The following GCLC variants were observed in gnomAD, a reference collection of about 807,000 sequenced individuals.
GCLC encodes glutamate--cysteine ligase catalytic subunit.
Under a neutral mutation model 81.5 loss-of-function variants are expected in GCLC, and 30 were observed. The observed-to-expected ratio is 0.37, with a 90% CI of 0.28 to 0.50. GCLC has a LOEUF of 0.50. GCLC is among the 20% of genes least tolerant of loss of function. The pLI is 0.96. For missense variants in GCLC, 556 were observed against 777.4 expected, an observed-to-expected ratio of 0.72 and a Z score of 3.39; for synonymous variants, 262 against 273.3, an observed-to-expected ratio of 0.96 and a Z score of 0.41.
chr6:53,520,750 G>C, intron 3 of GCLC, 28 bp downstream of exon 3: 3 of 1,587,068 alleles, frequency 1.9e-6, no homozygotes, highest in Non-Finnish European at 2.6e-6. Flanking sequence ...TGAGAGATCT[G>C]CTGGGGCATG....
chr6:53,532,277 GCTCC>G (rs1462645415), intron 1 of GCLC, among the ~76,000 whole-genome samples: 1 of 152,230 alleles, frequency 6.6e-6, no homozygotes, highest in African/African-American at 2.4e-5. Flanking sequence ...GCTTTGGGCA[GCTCC>G]TCTCTCGACT....
chr6:53,503,569 T>G (rs920742747), intron 12 of GCLC, among the ~76,000 whole-genome samples: 2 of 152,236 alleles, frequency 1.3e-5, no homozygotes, highest in Non-Finnish European at 2.9e-5. Context: ...TAGCATTTAA[T>G]GTTGCAAATG....
At chr6:53,505,190 G>T in intron 12 of GCLC, 1 of 544,244 alleles carries the variant, frequency 1.8e-6, no homozygotes. Flanking sequence ...ACTACTTCTA[G>T]CCATCAATCA....
chr6:53,525,366 C>T (rs1763062894), intron 1 of GCLC, among the ~76,000 whole-genome samples: 1 of 152,146 alleles, frequency 6.6e-6, no homozygotes. Context: ...TGGGGTTTGA[C>T]GCAATAACCG....
At chr6:53,501,571 A>AG (rs17879052) in intron 12 of GCLC, among the ~76,000 whole-genome samples, 2,032 of 152,292 alleles carry the variant, frequency 0.013, 41 homozygotes, top group African/African-American at 0.044. Context: ...GACCAGTTAG[A>AG]GGGCCAGGCT....
At chr6:53,530,534 T>A (rs1763154595) in intron 1 of GCLC, among the ~76,000 whole-genome samples, 2 of 152,218 alleles carry the variant, frequency 1.3e-5, no homozygotes, top group African/African-American at 4.8e-5. Flanking sequence ...ACAGGCTGCA[T>A]AACTATCAAA....
intron 6 of GCLC, chr6:53,509,816 T>C (rs1764699600): frequency 6.2e-6 from 1 of 161,786 alleles, no homozygotes; most frequent in Admixed American, 6.0e-5. Flanking sequence ...GACTGGCTAA[T>C]TTTGTTTTTG....
intron 1 of GCLC, among the ~76,000 whole-genome samples, chr6:53,526,402 A>C (rs1763081174): frequency 6.6e-6 from 1 of 152,242 alleles, no homozygotes; most frequent in Non-Finnish European, 1.5e-5. Context: ...TTAAGTCTTT[A>C]AATGGCATTT....
chr6:53,510,490 G>C (rs774993391), intron 6 of GCLC: 6 of 151,776 alleles, frequency 4.0e-5, no homozygotes, highest in Non-Finnish European at 8.8e-5. Context: ...ACGGTAGAAG[G>C]GGCAAGGAAC....
chr6:53,514,242 C>T lies in GCLC; in HGVS notation c.715G>A (p.Asp239Asn). 6.2e-7 allele frequency: 1 copy of T among 1,613,854 alleles called. No homozygotes were observed. Among genetic ancestry groups the T allele is most frequent in the Non-Finnish European group, 8.5e-7 (1 of 1,179,742 alleles). Residue 239 changes from aspartate to asparagine, a missense_variant, in exon 6 of 16, where the codon GAT becomes AAT. Asp to Asn is a conservative substitution (Grantham distance 23). Transcript: ENST00000650454. ...TTGCCCATTCCAAATCCCATGGCATCCATGTAAATATGATCCGGCTTAGAA... is the reference window on the plus strand; with the variant it reads ...TTGCCCATTCCAAATCCCATGGCATTCATGTAAATATGATCCGGCTTAGAA... ...RASKPDHIYM[D>N]AMGFGMGNCC...
At chr6:53,504,635 C>T (rs543942121) in intron 12 of GCLC, among the ~76,000 whole-genome samples, 2 of 152,228 alleles carry the variant, frequency 1.3e-5, no homozygotes, top group East Asian at 3.9e-4. Flanking sequence ...GCCAGATTTC[C>T]TTCAGGGGGT....
intron 2 of GCLC, among the ~76,000 whole-genome samples, chr6:53,522,158 T>A (rs1763010645): frequency 3.3e-5 from 5 of 152,232 alleles, no homozygotes; most frequent in Admixed American, 3.3e-4. Flanking sequence ...ATGTATTTAA[T>A]TCCAACACCT....
intron 3 of GCLC, 36 bp from the exon 4 acceptor site, chr6:53,516,258 G>T: frequency 1.5e-6 from 2 of 1,313,902 alleles, no homozygotes; most frequent in Non-Finnish European, 2.2e-6. Flanking sequence ...GATGGGATTT[G>T]TTTTCAAGAA....
At chr6:53,530,166 G>A (rs1763148037) in intron 1 of GCLC, among the ~76,000 whole-genome samples, 1 of 152,228 alleles carries the variant, frequency 6.6e-6, no homozygotes, top group African/African-American at 2.4e-5. Flanking sequence ...GTGACTGCTA[G>A]TGCTCACTGG....
At chr6:53,539,506 T>C (rs1763315938) in intron 1 of GCLC, among the ~76,000 whole-genome samples, 1 of 152,200 alleles carries the variant, frequency 6.6e-6, no homozygotes, top group African/African-American at 2.4e-5. Context: ...AGGTTCTTTC[T>C]GGTGTGAAGA....
intron 12 of GCLC, 187 bp downstream of exon 12, chr6:53,505,205 G>C (rs1299307754): frequency 5.3e-6 from 3 of 567,454 alleles, no homozygotes; most frequent in Non-Finnish European, 9.4e-6. Context: ...CAATCATCTT[G>C]AATGGAAAGC....
At chr6:53,519,379 A>C in intron 3 of GCLC, among the ~76,000 whole-genome samples, 2 of 150,150 alleles carry the variant, frequency 1.3e-5, no homozygotes, top group African/African-American at 2.5e-5. Context: ...TCCGCTCCTC[A>C]TTCCTATTTC....
rs1581725062 is a variant in GCLC, at chr6:53,498,657, G to A, written c.*99C>T. The A allele has an allele frequency of 1.2e-6, 1 of 827,588 alleles. No homozygotes were observed. The highest frequency in any genetic ancestry group is 2.1e-6 in the Non-Finnish European group (1 of 471,170). 51.3% of individuals were successfully genotyped at this position (827,588 alleles called of 1,614,324 possible). On this transcript the variant is annotated 3_prime_UTR_variant, in exon 16 of 16. Transcript: ENST00000650454. ...GCTCACTGGCCCAGAAAACAGTACAGTTCTATCATTTGGTCTTCATATTAT... is the reference window on the plus strand; with the variant it reads ...GCTCACTGGCCCAGAAAACAGTACAATTCTATCATTTGGTCTTCATATTAT...
At position 53,514,263 on chromosome 6, in the gene GCLC, T is replaced by G; in HGVS notation, c.694A>C (p.Lys232Gln). 2 of 1,612,746 alleles carry G rather than the reference T, an allele frequency of 1.2e-6. No individual in the cohort carries two copies. Among genetic ancestry groups the G allele is most frequent in the East Asian group, 2.2e-5 (1 of 44,854 alleles). Residue 232 changes from lysine to glutamine, a missense_variant, in exon 6 of 16, where the codon AAG becomes CAG. Physicochemically the swap from Lys to Gln is moderately conservative, Grantham distance 53 (BLOSUM62 1). Around this residue, in one of 3 missense-constraint regions of GCLC, gnomAD observed 234 missense variants for 303.8 expected, o/e 0.77. Coordinates refer to ENST00000650454, the MANE Select transcript of GCLC (RefSeq NM_001498.4). Reference sequence around the variant, plus strand: ...GCATCCATGTAAATATGATCCGGCTTAGAAGCCCTTGAAGCTTCATCATCC... The same window carrying G: ...GCATCCATGTAAATATGATCCGGCTGAGAAGCCCTTGAAGCTTCATCATCC... ...TEDDEASRAS[K>Q]PDHIYMDAMG...
Sources: gnomAD v4.1 joint callset for allele counts (sites outside exome capture counted in the v4.1 genomes callset) on GRCh38, gnomAD v4.1.1 for gene constraint, gnomAD v4.1.1 regional missense constraint, MANE v1.5 for transcripts, NCBI Gene and HGNC (gene_info 2026-07-23, HGNC 2026-07-21) for gene names.